Variants in IDI1 observed in about 807,000 individuals in gnomAD.
The protein encoded by IDI1 is isopentenyl-diphosphate delta isomerase 1.
In IDI1, 23 loss-of-function variants were observed where a neutral mutation model predicts 32.9. The observed-to-expected ratio is 0.70, with a 90% CI of 0.50 to 0.99. The LOEUF (loss-of-function observed/expected upper bound fraction) is 0.99. IDI1 is among the 50% of genes least tolerant of loss of function. The pLI is 0.00. For synonymous variants in IDI1, 133 were observed against 128.2 expected (o/e 1.04, Z -0.25); for missense variants, 326 against 351.9 (o/e 0.93, Z 0.59).
the IDI1 span, among the ~76,000 whole-genome samples, chr10:1,055,335 T>G: frequency 6.6e-6 from 1 of 152,238 alleles, no homozygotes; most frequent in Admixed American, 6.5e-5. Context: ...CCTTGTTTTG[T>G]GACATGTCAT....
At position 1,041,126 on chromosome 10, in the gene IDI1, GAA is replaced by G. The variant is rs959228040; in HGVS notation, c.*59_*60del. 19 of 948,588 alleles carry G rather than the reference GAA, an allele frequency of 2.0e-5. No individual in the cohort carries two copies. The African/African-American group carries it at 3.0e-4, about 15-fold the overall frequency. The allele number at this position is 948,588 out of a possible 1,614,324, so 58.8% of individuals were successfully genotyped here. On this transcript the variant is annotated 3_prime_UTR_variant, in exon 5 of 5. Coordinates refer to ENST00000381344, the MANE Select transcript of IDI1 (RefSeq NM_004508.4). ...TTAATGATAGAACTAAATTTAAAAG[GAA>G]AAAGTCATTCTAAGTTTGTTAAGCA...
rs995798787 is a variant in IDI1 at position 1,047,657 on chromosome 10, T to C, written c.140+1207A>G. On this transcript the variant is annotated intron_variant, in intron 1 of 4. Coordinates refer to ENST00000381344, the MANE Select transcript of IDI1 (RefSeq NM_004508.4). ...GTCTGTCTACACCACACAGCCCAGC[T>C]GCTCCACTGTCTAGGTCTGCGTCAG... Among the ~76,000 whole-genome samples, 8 of 152,210 alleles carry C rather than the reference T, an allele frequency of 5.3e-5. 1 individual carries two copies. Among genetic ancestry groups the C allele is most frequent in the African/African-American group, 1.9e-4 (8 of 41,446 alleles).
upstream of IDI1, among the ~76,000 whole-genome samples, chr10:1,051,732 G>C (rs892323221): frequency 6.6e-6 from 1 of 152,280 alleles, no homozygotes; most frequent in East Asian, 1.9e-4. Flanking sequence ...GCTGGTGGAG[G>C]GTTTTGCCTC....
At chr10:1,044,819 G>A (rs943505726) in intron 1 of IDI1, among the ~76,000 whole-genome samples, 1 of 152,160 alleles carries the variant, frequency 6.6e-6, no homozygotes, top group Non-Finnish European at 1.5e-5. Flanking sequence ...AGATAAACAG[G>A]AGAAGACTTA....
upstream of IDI1, among the ~76,000 whole-genome samples, chr10:1,051,882 C>CT (rs552016874): frequency 2.7e-3 from 413 of 152,004 alleles, no homozygotes; most frequent in Non-Finnish European, 4.4e-3. Flanking sequence ...CACAGGAAAA[C>CT]TTTTTTTTGA....
chr10:1,045,785 A>G (rs1832785196), intron 1 of IDI1, among the ~76,000 whole-genome samples: 2 of 152,240 alleles, frequency 1.3e-5, no homozygotes, highest in Non-Finnish European at 2.9e-5. Context: ...TACTTTCAAC[A>G]GAGTTCAAGC....
At chr10:1,056,668 G>A in the IDI1 span, 1 of 152,252 alleles carries the variant, frequency 6.6e-6, no homozygotes, top group Admixed American at 6.5e-5. Flanking sequence ...GGGGTCTTCA[G>A]CGCGCCCAGA....
At chr10:1,051,439 A>G (rs1248621020), upstream of IDI1, among the ~76,000 whole-genome samples, 1 of 152,224 alleles carries the variant, frequency 6.6e-6, no homozygotes, top group Non-Finnish European at 1.5e-5. Context: ...TGTCTGCCAA[A>G]TATCTAGGTT....
At chr10:1,043,267 CA>C in intron 3 of IDI1, 33 bp downstream of exon 3, 2 of 1,269,932 alleles carry the variant, frequency 1.6e-6, no homozygotes, top group Non-Finnish European at 2.3e-6. Flanking sequence ...AATTAATGTA[CA>C]AACACAATAT....
chr10:1,042,576 C>G (rs766328950), intron 4 of IDI1, 56 bp downstream of exon 4: 3 of 1,584,352 alleles, frequency 1.9e-6, no homozygotes, highest in Non-Finnish European at 2.6e-6. Context: ...TATTAAAAAC[C>G]TTTTTATAGT....
At chr10:1,047,930 A>T (rs1832845190) in intron 1 of IDI1, among the ~76,000 whole-genome samples, 2 of 152,320 alleles carry the variant, frequency 1.3e-5, no homozygotes, top group Non-Finnish European at 2.9e-5. Flanking sequence ...ATGGATATGG[A>T]CCCCAAGGAT....
rs1001465854 is a variant in IDI1, at chr10:1,040,150, G to A, written c.*1037C>T. 3 of 152,076 alleles carry A rather than the reference G, an allele frequency of 2.0e-5. No individual in the cohort carries two copies. Among genetic ancestry groups the A allele is most frequent in the East Asian group, 1.9e-4 (1 of 5,196 alleles). The allele number at this position is 152,076 out of a possible 1,614,324, so 9.4% of individuals were successfully genotyped here. On this transcript the variant is annotated 3_prime_UTR_variant, in exon 5 of 5. Coordinates refer to ENST00000381344, the MANE Select transcript of IDI1 (RefSeq NM_004508.4). ...AGTTTATAAAAAGTACATTGATCAA[G>A]GTACAATTTTTAACATTAATATACA...
At chr10:1,053,334 C>A (rs1040694417), upstream of IDI1, among the ~76,000 whole-genome samples, 4 of 152,138 alleles carry the variant, frequency 2.6e-5, no homozygotes, top group Non-Finnish European at 5.9e-5. Context: ...GAGACAGCTT[C>A]TTTCCTTCAA....
At chr10:1,048,646 G>A in intron 1 of IDI1, 1 of 1,407,970 alleles carries the variant, frequency 7.1e-7, no homozygotes. Context: ...CCCGACTCAC[G>A]CCTCCGCCTT....
At position 1,040,741 on chromosome 10, in the gene IDI1, T is replaced by TA. The variant is rs1832542611; in HGVS notation, c.*445dup. ...AGACTGTTTTGAAGGAGCGAGACAA[T>TA]AGTTTCCTTTGCACATTTTTCTGAA... On this transcript the variant is annotated 3_prime_UTR_variant, in exon 5 of 5. Coordinates refer to ENST00000381344, the MANE Select transcript of IDI1 (RefSeq NM_004508.4). 6.4e-6 allele frequency: 1 copy of TA among 157,042 alleles called. No individual in the cohort carries two copies. The highest frequency in any genetic ancestry group is 2.4e-5 in the African/African-American group (1 of 41,470). 9.7% of individuals were successfully genotyped at this position (157,042 alleles called of 1,614,324 possible).
chr10:1,041,402 T>G lies in IDI1; in HGVS notation c.640A>C (p.Lys214Gln). 1.2e-6 allele frequency: 2 copies of G among 1,611,554 alleles called. No homozygotes were observed. The highest frequency in any genetic ancestry group is 1.7e-6 in the Non-Finnish European group (2 of 1,177,736). Reference sequence around the variant, plus strand: ...GGATCTGGATTCAAAGTTACATTCTTCCTCACCAACAAAATGTAATCAATT... The same window carrying G: ...GGATCTGGATTCAAAGTTACATTCTGCCTCACCAACAAAATGTAATCAATT... ...HEIDYILLVR[K>Q]NVTLNPDPNE... Residue 214 changes from lysine (K) to glutamine (Q), a missense_variant, in exon 5 of 5, where the codon AAG becomes CAG. Coordinates refer to ENST00000381344, the MANE Select transcript of IDI1 (RefSeq NM_004508.4).
chr10:1,044,303 A>C, intron 1 of IDI1, 132 bp from the exon 2 acceptor site: 1 of 634,880 alleles, frequency 1.6e-6, no homozygotes, highest in Non-Finnish European at 2.7e-6. Flanking sequence ...GACCCCAAGA[A>C]CGCTGCCAGC....
At chr10:1,044,662 C>G (rs969237583) in intron 1 of IDI1, among the ~76,000 whole-genome samples, 1 of 152,164 alleles carries the variant, frequency 6.6e-6, no homozygotes, top group East Asian at 1.9e-4. Flanking sequence ...AGGCACAACT[C>G]GTGCCAGACA....
At chr10:1,048,694 C>G in intron 1 of IDI1, 170 bp downstream of exon 1, 1 of 1,416,336 alleles carries the variant, frequency 7.1e-7, no homozygotes, top group Admixed American at 3.1e-5. Flanking sequence ...CCGGGAAGGC[C>G]CGGCCTCCCT....
Sources: gnomAD v4.1 joint callset for allele counts (sites outside exome capture counted in the v4.1 genomes callset) on GRCh38, gnomAD v4.1.1 for gene constraint, MANE v1.5 for transcripts, NCBI Gene and HGNC (gene_info 2026-07-23, HGNC 2026-07-21) for gene names.